Variants in CNTN5 observed in about 807,000 individuals in gnomAD.
CNTN5 encodes the protein contactin-5.
A neutral mutation model predicts 129.1 loss-of-function variants in CNTN5; 77 were observed. The ratio of observed to expected loss-of-function variants is 0.60; its 90% confidence interval spans 0.50 to 0.72. The LOEUF is 0.72. CNTN5 is among the 30% of genes least tolerant of loss of function. The pLI is 0.00. For synonymous variants in CNTN5, 509 were observed against 465.6 expected (o/e 1.09, Z -1.20); for missense variants, 1,478 against 1,328.8 (o/e 1.11, Z -1.75).
At chr11:99,470,647 A>C (rs528740858) in intron 2 of CNTN5, among the ~76,000 whole-genome samples, 1 of 152,228 alleles carries the variant, frequency 6.6e-6, no homozygotes, top group African/African-American at 2.4e-5. Context: ...AATAATACAC[A>C]CCTAACTTTT....
chr11:99,037,973 G>T (rs1863825824), intron 1 of CNTN5, among the ~76,000 whole-genome samples: 1 of 152,076 alleles, frequency 6.6e-6, no homozygotes, highest in Admixed American at 6.5e-5. Context: ...CATAAACACG[G>T]GGGTATTTAT....
In CNTN5 at chr11:99,793,249, CG is replaced by C. The variant is rs1158303284; in HGVS notation, c.56-26291del. Among the ~76,000 whole-genome samples the C allele has an allele frequency of 5.3e-5, 8 of 152,074 alleles. 1 individual carries two copies. Among genetic ancestry groups the C allele is most frequent in the Non-Finnish European group, 5.9e-5 (4 of 67,970 alleles). ...TAATGTTTTGTATTTTTAGTAGAGACGGGGTTTCACCGTGTTAGCCAGGATG... is the reference window on the plus strand; with the variant it reads ...TAATGTTTTGTATTTTTAGTAGAGACGGGTTTCACCGTGTTAGCCAGGATG... On this transcript the variant is annotated intron_variant, in intron 3 of 24. Coordinates refer to ENST00000524871, the MANE Select transcript of CNTN5 (RefSeq NM_014361.4).
rs183046894 is a variant in CNTN5 at position 99,684,672 on chromosome 11, A to G, written c.55+128403A>G. On this transcript the variant is annotated intron_variant, in intron 3 of 24. Coordinates refer to ENST00000524871, the MANE Select transcript of CNTN5 (RefSeq NM_014361.4). ...TTTGCATCATGGATAGGTGCTAAAT[A>G]TCTATTGTTTTTGTTAGCTTAGTGT... 1.1e-4 allele frequency among the ~76,000 whole-genome samples: 17 copies of G among 151,986 alleles called. No individual in the cohort carries two copies. In the East Asian group the frequency reaches 1.7e-3, roughly 16 times the overall value.
chr11:99,199,980 CAT>C (rs1859090091), intron 1 of CNTN5, among the ~76,000 whole-genome samples: 2 of 152,120 alleles, frequency 1.3e-5, no homozygotes, highest in African/African-American at 4.8e-5. Context: ...TCATCATCAT[CAT>C]CATCATCATC....
intron 4 of CNTN5, among the ~76,000 whole-genome samples, chr11:99,832,296 A>G (rs1947167063): frequency 6.6e-6 from 1 of 152,218 alleles, no homozygotes; most frequent in Admixed American, 6.5e-5. Flanking sequence ...GCAAATCCCA[A>G]CGAGGCAAAA....
intron 3 of CNTN5, among the ~76,000 whole-genome samples, chr11:99,809,111 C>T (rs2135510508): frequency 6.6e-6 from 1 of 152,264 alleles, no homozygotes; most frequent in Non-Finnish European, 1.5e-5. Context: ...GGAGTGAGGA[C>T]TCCCCCAGGC....
chr11:99,890,529 C>T (rs932849601), intron 6 of CNTN5, among the ~76,000 whole-genome samples: 2 of 151,700 alleles, frequency 1.3e-5, no homozygotes, highest in Admixed American at 6.6e-5. Flanking sequence ...CTGAAACATA[C>T]ATGTATGTAT....
chr11:100,131,217 G>T (rs1946367979), intron 13 of CNTN5, among the ~76,000 whole-genome samples: 2 of 152,024 alleles, frequency 1.3e-5, no homozygotes, highest in Non-Finnish European at 1.5e-5. Flanking sequence ...TAATTAAAAG[G>T]CTATTTTAGT....
At chr11:100,108,265 CA>C (rs1945523202) in intron 13 of CNTN5, among the ~76,000 whole-genome samples, 1 of 151,876 alleles carries the variant, frequency 6.6e-6, no homozygotes, top group South Asian at 2.1e-4. Context: ...TGCTATATAG[CA>C]AAAGAATGCA....
chr11:99,218,423 A>G (rs1860236804), intron 1 of CNTN5, among the ~76,000 whole-genome samples: 1 of 152,144 alleles, frequency 6.6e-6, no homozygotes, highest in Admixed American at 6.6e-5. Flanking sequence ...CTTGATTTCT[A>G]GAAACACACC....
chr11:100,268,259 T>C lies in CNTN5; in HGVS notation c.2165-2833T>C, dbSNP rs111610971. Among the ~76,000 whole-genome samples, 569 of 152,262 alleles carry C rather than the reference T, an allele frequency of 3.7e-3. 1 individual carries two copies. Among genetic ancestry groups the C allele is most frequent in the Admixed American group, 5.8e-3 (89 of 15,288 alleles). On this transcript the variant is annotated intron_variant, in intron 17 of 24. Transcript: ENST00000524871. ...CATTTGGATATATAAGTATGGTGTT[T>C]AAGTGAGAGGTTTAGCGTAAAGTTA...
chr11:100,118,157 A>T (rs1945901035), intron 13 of CNTN5, among the ~76,000 whole-genome samples: 1 of 151,986 alleles, frequency 6.6e-6, no homozygotes, highest in African/African-American at 2.4e-5. Context: ...TTTTAAGTAA[A>T]TTTGTATCAC....
chr11:99,826,725 G>T (rs763701936), intron 4 of CNTN5, among the ~76,000 whole-genome samples: 12 of 152,178 alleles, frequency 7.9e-5, no homozygotes, highest in Non-Finnish European at 1.6e-4. Context: ...ATGAATGGCT[G>T]CAATGAAATT....
At chr11:99,452,467 A>T (rs1029479503) in intron 2 of CNTN5, among the ~76,000 whole-genome samples, 3 of 141,884 alleles carry the variant, frequency 2.1e-5, no homozygotes, top group Admixed American at 7.7e-5. Flanking sequence ...CTGCCTCCCG[A>T]GTTCACGCCA....
intron 1 of CNTN5, among the ~76,000 whole-genome samples, chr11:99,093,582 T>TGC (rs1866344604): frequency 6.6e-6 from 1 of 151,956 alleles, no homozygotes; most frequent in African/African-American, 2.4e-5. Context: ...AAATTTACAA[T>TGC]GCAGAGGGTA....
At chr11:100,271,421 T>C (rs1007624647) in intron 18 of CNTN5, among the ~76,000 whole-genome samples, 180 bp downstream of exon 18, 1 of 152,190 alleles carries the variant, frequency 6.6e-6, no homozygotes, top group African/African-American at 2.4e-5. Context: ...TTCTCAGAAC[T>C]TTTTCTCCCT....
intron 2 of CNTN5, among the ~76,000 whole-genome samples, chr11:99,487,362 G>C (rs752128387): frequency 2.0e-5 from 3 of 152,168 alleles, no homozygotes; most frequent in Non-Finnish European, 4.4e-5. Context: ...TCTGGCTTCT[G>C]CACTGTGATT....
chr11:100,000,826 C>G (rs1444302805), intron 8 of CNTN5, among the ~76,000 whole-genome samples: 1 of 152,196 alleles, frequency 6.6e-6, no homozygotes, highest in Non-Finnish European at 1.5e-5. Flanking sequence ...GTAGGCCCAA[C>G]ACCACATGGA....
At chr11:99,434,069 A>T (rs1465049185) in intron 2 of CNTN5, among the ~76,000 whole-genome samples, 1 of 152,166 alleles carries the variant, frequency 6.6e-6, no homozygotes, top group African/African-American at 2.4e-5. Context: ...TACAATGAAG[A>T]TCACAGTTCC....
Sources: gnomAD v4.1 joint callset for allele counts (sites outside exome capture counted in the v4.1 genomes callset) on GRCh38, gnomAD v4.1.1 for gene constraint, MANE v1.5 for transcripts, NCBI Gene and HGNC (gene_info 2026-07-23, HGNC 2026-07-21) for gene names.